The following CD80 variants were observed in gnomAD, a reference collection of about 807,000 sequenced individuals.
The protein encoded by CD80 is T-lymphocyte activation antigen CD80.
A neutral mutation model predicts 27.1 loss-of-function variants in CD80; 13 were observed. The ratio of observed to expected loss-of-function variants is 0.48; its 90% CI spans 0.31 to 0.76. CD80 has a LOEUF of 0.76. CD80 is among the 30% of genes least tolerant of loss of function. The probability of loss-of-function intolerance (pLI) is 0.04; values close to 1 mark genes in which losing one functional copy is unlikely to be tolerated. For missense variants in CD80, 277 were observed against 347.9 expected (o/e 0.80, Z 1.62); for synonymous variants, 125 against 125.5 (o/e 1.00, Z 0.03).
chr3:119,525,859 T>C (rs1453737972), intron 6 of CD80, 110 bp from the exon 7 acceptor site: 2 of 141,778 alleles, frequency 1.4e-5, no homozygotes, highest in Non-Finnish European at 3.0e-5. Flanking sequence ...AAATTATATA[T>C]GTATATATGT....
chr3:119,550,465 A>G (rs950147987), intron 2 of CD80, among the ~76,000 whole-genome samples: 1 of 152,234 alleles, frequency 6.6e-6, no homozygotes, highest in Admixed American at 6.5e-5. Context: ...CAATTTGGAA[A>G]TTCACACGGG....
intron 3 of CD80, among the ~76,000 whole-genome samples, chr3:119,540,503 G>A (rs2082161982): frequency 6.6e-5 from 10 of 151,844 alleles, no homozygotes; most frequent in Admixed American, 6.6e-4. Context: ...ATATGTTCCT[G>A]AGCCACTTTT....
chr3:119,544,950 C>G (rs528831990), intron 2 of CD80, 83 bp from the exon 3 acceptor site: 178 of 1,129,332 alleles, frequency 1.6e-4, no homozygotes, highest in South Asian at 6.8e-4. Context: ...TCGGCAGTAA[C>G]AGAACTTAGG....
rs539969470 is a variant in CD80, at chr3:119,525,511, C to T, written c.*277G>A. The T allele has an allele frequency of 6.6e-6, 1 of 152,346 alleles. No homozygotes were observed. The highest frequency in any genetic ancestry group is 2.4e-5 in the African/African-American group (1 of 41,562). The allele number at this position is 152,346 out of a possible 1,614,324, so 9.4% of individuals were successfully genotyped here. A position where few individuals can be genotyped will look rare whatever the true frequency, so the allele number is the denominator to read the frequency against. Reference sequence around the variant, plus strand: ...CCTCCCTGGGCCTCAGTGCCTTTGTCATTAATAACACTGGTATTCTCTAAA... The same window carrying T: ...CCTCCCTGGGCCTCAGTGCCTTTGTTATTAATAACACTGGTATTCTCTAAA... On this transcript the variant is annotated 3_prime_UTR_variant, in exon 7 of 7. Transcript: ENST00000264246.
intron 3 of CD80, among the ~76,000 whole-genome samples, chr3:119,543,938 G>C (rs1342352635): frequency 4.1e-5 from 6 of 145,536 alleles, no homozygotes; most frequent in Non-Finnish European, 7.5e-5. Flanking sequence ...ACCCAGGCTG[G>C]AGTGCAGTGG....
rs185936124 is a variant in CD80, at chr3:119,543,505, G to A, written c.418+1045C>T. 6.1e-3 allele frequency among the ~76,000 whole-genome samples: 919 copies of A among 150,186 alleles called. 20 individuals carry two copies. Among genetic ancestry groups the A allele is most frequent in the Non-Finnish European group, 3.6e-3 (247 of 67,824 alleles). On this transcript the variant is annotated intron_variant, in intron 3 of 6. Transcript: ENST00000264246. ...CAGTCTTTGCTCTGTCACCAAGGCTGGAGTGCAGTGGCACCATCTCTGCTC... is the reference window on the plus strand; with the variant it reads ...CAGTCTTTGCTCTGTCACCAAGGCTAGAGTGCAGTGGCACCATCTCTGCTC...
At chr3:119,544,346 G>C in intron 3 of CD80, 2 of 583,220 alleles carry the variant, frequency 3.4e-6, no homozygotes, top group Non-Finnish European at 6.1e-6. Flanking sequence ...GATTGTCAAA[G>C]AACAAGAAAT....
In CD80 at chr3:119,527,805, T is replaced by C. The variant is rs2082076603; in HGVS notation, c.833A>G (p.Glu278Gly). The change falls in exon 6 of 7, where the codon GAG (glutamate) becomes GGG (glycine). Residue 278 changes from glutamate (E) to glycine (G), a missense_variant. Coordinates refer to ENST00000264246, the MANE Select transcript of CD80 (RefSeq NM_005191.4). ...GCGTACACTTTCCCTTCTCAATCTCTCATTCCTCCTTCTCTCTCTGCATCT... is the reference window on the plus strand; with the variant it reads ...GCGTACACTTTCCCTTCTCAATCTCCCATTCCTCCTTCTCTCTCTGCATCT... ...APRCRERRRN[E>G]RLRRESVRPV The C allele has an allele frequency of 6.2e-7, 1 of 1,613,920 alleles. No individual in the cohort carries two copies. Among genetic ancestry groups the C allele is most frequent in the Non-Finnish European group, 8.5e-7 (1 of 1,179,914 alleles).
At chr3:119,559,046 G>C (rs1195482329) in intron 1 of CD80, among the ~76,000 whole-genome samples, 1 of 152,144 alleles carries the variant, frequency 6.6e-6, no homozygotes, top group African/African-American at 2.4e-5. Context: ...ACCAGAATTT[G>C]TTTTTCTTAA....
intron 2 of CD80, among the ~76,000 whole-genome samples, chr3:119,545,566 T>A (rs1366018143): frequency 6.6e-6 from 1 of 152,196 alleles, no homozygotes; most frequent in Non-Finnish European, 1.5e-5. Flanking sequence ...ATTTGGCTAC[T>A]TTAAATATCT....
intron 2 of CD80, among the ~76,000 whole-genome samples, chr3:119,548,600 T>G (rs1343171337): frequency 1.3e-5 from 2 of 152,320 alleles, no homozygotes; most frequent in South Asian, 2.1e-4. Context: ...TTTTACACAT[T>G]TTTTTCTTTC....
rs2082281041 is a variant in CD80, at chr3:119,559,442, G to C, written c.-203C>G. Reference sequence around the variant, plus strand: ...AAGATAATAGTAAATGTACTTACTTGCTGAAGAAAAATTCCACTTTTTCTT... The same window carrying C: ...AAGATAATAGTAAATGTACTTACTTCCTGAAGAAAAATTCCACTTTTTCTT... On this transcript the variant is annotated splice_region_variant and 5_prime_UTR_variant, in exon 1 of 7. Coordinates refer to ENST00000264246, the MANE Select transcript of CD80 (RefSeq NM_005191.4). 1 of 152,202 alleles carries C rather than the reference G, an allele frequency of 6.6e-6. No homozygotes were observed. The allele number at this position is 152,202 out of a possible 1,614,324, so 9.4% of individuals were successfully genotyped here.
At chr3:119,553,676 G>T (rs911118514) in intron 2 of CD80, among the ~76,000 whole-genome samples, 10 of 152,318 alleles carry the variant, frequency 6.6e-5, no homozygotes, top group African/African-American at 2.4e-4. Flanking sequence ...TAGTGGAGAA[G>T]GGAGAGAAGC....
chr3:119,540,829 G>A (rs377715402), intron 3 of CD80, among the ~76,000 whole-genome samples: 12 of 152,124 alleles, frequency 7.9e-5, no homozygotes, highest in African/African-American at 2.2e-4. Flanking sequence ...CAGGAGGATC[G>A]CTTGAGGTCA....
chr3:119,554,545 G>T (rs545049083), intron 2 of CD80, among the ~76,000 whole-genome samples: 7 of 152,300 alleles, frequency 4.6e-5, no homozygotes, highest in African/African-American at 1.4e-4. Context: ...CAGGCCTAGA[G>T]GGGGAGAGGA....
At chr3:119,532,748 A>G (rs2082117018) in intron 4 of CD80, among the ~76,000 whole-genome samples, 1 of 152,160 alleles carries the variant, frequency 6.6e-6, no homozygotes, top group Admixed American at 6.5e-5. Context: ...TCTGGAACTT[A>G]CTGCTTTTTC....
chr3:119,540,316 G>T (rs28653390), intron 3 of CD80, among the ~76,000 whole-genome samples: 2 of 152,114 alleles, frequency 1.3e-5, no homozygotes, highest in Non-Finnish European at 2.9e-5. Flanking sequence ...ATTTAAATCA[G>T]GTTGCCAGGC....
intron 5 of CD80, among the ~76,000 whole-genome samples, chr3:119,529,136 G>T (rs2082096091): frequency 1.3e-5 from 2 of 152,004 alleles, no homozygotes; most frequent in Non-Finnish European, 2.9e-5. Context: ...TTTTAGTAGA[G>T]ACAGAGTTTC....
intron 1 of CD80, among the ~76,000 whole-genome samples, chr3:119,559,033 T>C (rs1182666802): frequency 6.6e-6 from 1 of 152,126 alleles, no homozygotes; most frequent in African/African-American, 2.4e-5. Context: ...AAGAGACTTA[T>C]TCACCAGAAT....
Sources: gnomAD v4.1 joint callset for allele counts (sites outside exome capture counted in the v4.1 genomes callset) on GRCh38, gnomAD v4.1.1 for gene constraint, MANE v1.5 for transcripts, NCBI Gene and HGNC (gene_info 2026-07-23, HGNC 2026-07-21) for gene names.